The following ZFAT variants were observed in gnomAD, a reference collection of about 807,000 sequenced individuals.
The protein encoded by ZFAT is zinc finger protein ZFAT.
A neutral mutation model predicts 117.7 loss-of-function variants in ZFAT; 64 were observed. The ratio of observed to expected loss-of-function variants is 0.54; its 90% CI spans 0.44 to 0.67. The LOEUF (loss-of-function observed/expected upper bound fraction) is 0.67, where lower values mean the gene tolerates loss of function less well. ZFAT is among the 30% of genes least tolerant of loss of function. ZFAT has a pLI of 0.00. For synonymous variants in ZFAT, 679 were observed against 615.0 expected, an observed-to-expected ratio of 1.10 and a Z score of -1.54; for missense variants, 1,433 against 1,584.5, an observed-to-expected ratio of 0.90 and a Z score of 1.62.
intron 10 of ZFAT, among the ~76,000 whole-genome samples, chr8:134,581,922 G>A (rs1825740372): frequency 6.6e-6 from 1 of 152,182 alleles, no homozygotes; most frequent in African/African-American, 2.4e-5. Context: ...ACTGAAAAGT[G>A]CTGAAAACAA....
At chr8:134,706,710 A>C (rs66502815) in intron 1 of ZFAT, among the ~76,000 whole-genome samples, 16,025 of 150,932 alleles carry the variant, frequency 0.11, 1,054 homozygotes, top group Non-Finnish European at 0.16. Context: ...AACAAACAAA[A>C]AAAGACTAGT....
At chr8:134,493,559 A>C (rs113210735) in intron 15 of ZFAT, among the ~76,000 whole-genome samples, 1 of 152,364 alleles carries the variant, frequency 6.6e-6, no homozygotes, top group African/African-American at 2.4e-5. Flanking sequence ...TTGACTAGAA[A>C]AGGAAACCTT....
intron 11 of ZFAT, among the ~76,000 whole-genome samples, chr8:134,550,658 G>A (rs1389854244): frequency 3.3e-5 from 5 of 152,168 alleles, no homozygotes; most frequent in Non-Finnish European, 7.3e-5. Flanking sequence ...CTCTTAGACA[G>A]GATTTTAATT....
At chr8:134,717,619 A>T (rs1401359961), upstream of ZFAT, among the ~76,000 whole-genome samples, 5 of 149,196 alleles carry the variant, frequency 3.4e-5, no homozygotes, top group Admixed American at 1.3e-4. Flanking sequence ...AGTAGCTGGG[A>T]CTACAGGCGC....
At chr8:134,489,476 A>G (rs1586566260) in intron 15 of ZFAT, among the ~76,000 whole-genome samples, 1 of 152,192 alleles carries the variant, frequency 6.6e-6, no homozygotes, top group Admixed American at 6.5e-5. Context: ...TGCAGCCTCC[A>G]GCCCTCCCTT....
chr8:134,796,609 T>G, the ZFAT span: 1 of 152,150 alleles, frequency 6.6e-6, no homozygotes, highest in Admixed American at 6.6e-5. Context: ...GCTTTTCACA[T>G]GTGTCACTTG....
rs575852309 is a variant in ZFAT at position 134,489,202 on chromosome 8, G to A, written c.3493-10481C>T. Among the ~76,000 whole-genome samples, 20 of 152,190 alleles carry A rather than the reference G, an allele frequency of 1.3e-4. No homozygotes were observed. The East Asian group carries it at 2.3e-3, about 18-fold the overall frequency. ...TGTAGGAGGGGACTATGGGGAAGAG[G>A]AGGCAGAAAGCCTCCAGGTAGGGAG... On this transcript the variant is annotated intron_variant, in intron 15 of 15. Coordinates refer to ENST00000377838, the MANE Select transcript of ZFAT (RefSeq NM_020863.4).
intron 14 of ZFAT, chr8:134,510,019 G>T (rs1410121409): frequency 2.1e-6 from 1 of 482,596 alleles, no homozygotes; most frequent in Non-Finnish European, 4.1e-6. Context: ...CCTCATTTGG[G>T]CCACTGAGTC....
chr8:134,589,629 G>A (rs369610219), intron 8 of ZFAT, among the ~76,000 whole-genome samples: 17 of 152,286 alleles, frequency 1.1e-4, no homozygotes, highest in African/African-American at 3.6e-4. Flanking sequence ...TGAGCACAGC[G>A]GTCAGTGCGC....
At chr8:134,489,493 C>G (rs959449584) in intron 15 of ZFAT, among the ~76,000 whole-genome samples, 4 of 152,148 alleles carry the variant, frequency 2.6e-5, no homozygotes. Context: ...CCTTGCTCCT[C>G]TCCTGGGCCA....
intron 1 of ZFAT, among the ~76,000 whole-genome samples, chr8:134,658,204 G>A (rs1831731504): frequency 6.6e-6 from 1 of 152,126 alleles, no homozygotes; most frequent in Non-Finnish European, 1.5e-5. Context: ...AGGCATGGCA[G>A]CGTGCACCTG....
chr8:134,820,726 G>A, the ZFAT span, among the ~76,000 whole-genome samples: 3 of 152,220 alleles, frequency 2.0e-5, no homozygotes, highest in East Asian at 1.9e-4. Flanking sequence ...CAAACCTGAT[G>A]TCAACAGAAT....
chr8:134,719,761 C>T, the ZFAT span, among the ~76,000 whole-genome samples: 6 of 152,254 alleles, frequency 3.9e-5, no homozygotes, highest in South Asian at 2.1e-4. Flanking sequence ...GGGAAGAGGA[C>T]GTTGCAGAAA....
Position 134,479,950 on chromosome 8 carries a change from C to CT in ZFAT, c.3493-1230dup, listed in dbSNP as rs35032412. On this transcript the variant is annotated intron_variant, in intron 15 of 15. Coordinates refer to ENST00000377838, the MANE Select transcript of ZFAT (RefSeq NM_020863.4). ...CTTTTAATCCCTTCATTCAACCACA[C>CT]TTTTTTTTTTTTTTTTTTTTGGAGA... Among the ~76,000 whole-genome samples the CT allele has an allele frequency of 6.3e-3, 771 of 123,272 alleles. 6 individuals are homozygous for CT. The highest frequency in any genetic ancestry group is 0.025 in the Middle Eastern group (6 of 238). 80.9% of individuals were successfully genotyped at this position (123,272 alleles called of 152,430 possible).
At chr8:134,645,847 T>C (rs1830856786) in intron 2 of ZFAT, among the ~76,000 whole-genome samples, 5 of 152,032 alleles carry the variant, frequency 3.3e-5, no homozygotes, top group Admixed American at 3.3e-4. Flanking sequence ...TATTCTCAAG[T>C]CCACATGAAA....
chr8:134,534,729 G>C (rs1821696914), intron 11 of ZFAT, among the ~76,000 whole-genome samples: 1 of 144,448 alleles, frequency 6.9e-6, no homozygotes, highest in Non-Finnish European at 1.5e-5. Context: ...AGAAGGGAGA[G>C]AGAGAAAGAG....
At chr8:134,689,099 G>A (rs1222401525) in intron 1 of ZFAT, among the ~76,000 whole-genome samples, 1 of 152,140 alleles carries the variant, frequency 6.6e-6, no homozygotes, top group Non-Finnish European at 1.5e-5. Context: ...GGGAAGAGGG[G>A]CCTAAAGCAC....
At chr8:134,767,602 T>C in the ZFAT span, among the ~76,000 whole-genome samples, 33 of 152,266 alleles carry the variant, frequency 2.2e-4, no homozygotes, top group African/African-American at 7.7e-4. Flanking sequence ...TTTGGGAGGC[T>C]GAGGTGGGAG....
intron 10 of ZFAT, among the ~76,000 whole-genome samples, chr8:134,582,731 G>C (rs973729864): frequency 4.0e-5 from 6 of 151,806 alleles, no homozygotes; most frequent in Admixed American, 6.6e-5. Context: ...TGAGTCCCTC[G>C]AGCTCACCTG....
Sources: gnomAD v4.1 joint callset for allele counts (sites outside exome capture counted in the v4.1 genomes callset) on GRCh38, gnomAD v4.1.1 for gene constraint, MANE v1.5 for transcripts, NCBI Gene and HGNC (gene_info 2026-07-23, HGNC 2026-07-21) for gene names.